SPAG17: variants seen among roughly 807,000 people sequenced by gnomAD.
The protein encoded by SPAG17 is sperm associated antigen 17.
A neutral mutation model predicts 273.6 loss-of-function variants in SPAG17; 169 were observed. The observed-to-expected ratio is 0.62, with a 90% CI of 0.55 to 0.70. SPAG17 has a LOEUF of 0.70. Among genes scored for constraint, SPAG17 ranks in the 30% least tolerant of loss-of-function variants. SPAG17 has a pLI of 0.00. For synonymous variants in SPAG17, 825 were observed against 873.2 expected, an observed-to-expected ratio of 0.94 and a Z score of 0.97; for missense variants, 2,557 against 2,627.8, an observed-to-expected ratio of 0.97 and a Z score of 0.59.
At chr1:117,955,874 A>G (rs1281006170) in intron 48 of SPAG17, among the ~76,000 whole-genome samples, 1 of 151,902 alleles carries the variant, frequency 6.6e-6, no homozygotes, top group East Asian at 1.9e-4. Context: ...GAATATGTTT[A>G]CACATATATC....
Position 117,963,947 on chromosome 1 carries a change from CTTG to C in SPAG17, c.6533-12_6533-10del. Reference sequence around the variant, plus strand: ...GCTGCTTGTTAAAACAGGTAAAATACTTGTTAAGGGCTGTGCTTTTCATGACTA... The same window carrying C: ...GCTGCTTGTTAAAACAGGTAAAATACTTAAGGGCTGTGCTTTTCATGACTA... On this transcript the variant is annotated splice_polypyrimidine_tract_variant and intron_variant, in intron 47 of 48. Coordinates refer to ENST00000336338, the MANE Select transcript of SPAG17 (RefSeq NM_206996.4). 5 of 1,612,602 alleles carry C rather than the reference CTTG, an allele frequency of 3.1e-6. No individual in the cohort carries two copies. The highest frequency in any genetic ancestry group is 4.2e-6 in the Non-Finnish European group (5 of 1,179,222).
chr1:117,994,794 C>A (rs888179627), intron 34 of SPAG17, among the ~76,000 whole-genome samples: 1 of 152,080 alleles, frequency 6.6e-6, no homozygotes, highest in Non-Finnish European at 1.5e-5. Context: ...CATACAAGTT[C>A]TGTCAGTTCT....
chr1:118,009,135 C>T (rs1377132693), intron 30 of SPAG17, among the ~76,000 whole-genome samples: 2 of 151,758 alleles, frequency 1.3e-5, no homozygotes, highest in Non-Finnish European at 2.9e-5. Flanking sequence ...TACAATTATA[C>T]AATTATGTAA....
chr1:118,003,947 G>A (rs4614246), intron 32 of SPAG17, among the ~76,000 whole-genome samples: 8,216 of 152,190 alleles, frequency 0.054, 448 homozygotes, highest in East Asian at 0.3. Context: ...CACCTTTGTC[G>A]TTGTATCTAC....
chr1:118,015,861 C>T, intron 29 of SPAG17, 104 bp downstream of exon 29: 1 of 1,007,418 alleles, frequency 9.9e-7, no homozygotes, highest in Non-Finnish European at 1.5e-6. Flanking sequence ...CACTACTTAA[C>T]AGACATTTAT....
intron 1 of SPAG17, among the ~76,000 whole-genome samples, chr1:118,162,290 A>T (rs761213069): frequency 1.2e-4 from 19 of 152,226 alleles, no homozygotes; most frequent in Non-Finnish European, 2.5e-4. Context: ...AGAGCACTGG[A>T]TTTAGTATCA....
intron 1 of SPAG17, among the ~76,000 whole-genome samples, chr1:118,174,840 T>C (rs987892692): frequency 6.6e-6 from 1 of 152,080 alleles, no homozygotes; most frequent in African/African-American, 2.4e-5. Context: ...AAAAAGACTG[T>C]CAACTAAGGA....
chr1:118,172,176 T>G (rs1660446678), intron 1 of SPAG17, among the ~76,000 whole-genome samples: 1 of 152,194 alleles, frequency 6.6e-6, no homozygotes, highest in African/African-American at 2.4e-5. Flanking sequence ...CTCAATATAT[T>G]ATAGTAGATG....
chr1:117,968,621 A>T (rs1654186714), intron 46 of SPAG17, among the ~76,000 whole-genome samples: 1 of 152,230 alleles, frequency 6.6e-6, no homozygotes, highest in South Asian at 2.1e-4. Context: ...TTTACAGATG[A>T]GGAAAACAAG....
At chr1:118,139,642 G>A (rs1427766137) in intron 3 of SPAG17, among the ~76,000 whole-genome samples, 1 of 152,084 alleles carries the variant, frequency 6.6e-6, no homozygotes, top group East Asian at 1.9e-4. Flanking sequence ...TAAAAAAGAA[G>A]GAAACTCTCA....
rs144455655 is a variant in SPAG17 at position 118,039,434 on chromosome 1, A to G, written c.3177T>C (p.Phe1059=). Residue 1059 remains phenylalanine (F), a synonymous_variant, in exon 23 of 49, where the codon TTT becomes TTC. Transcript: ENST00000336338. The stretch of plus-strand genomic sequence containing the variant: ...TGTCCTTTACCACTCTCACTTTGAT[A>G]AAAGTTGGGCCTGAGGAGGAACCAT... ...EKTMFEKGPT[F]IKVRVVKDNH... 8.5e-3 allele frequency: 13,653 copies of G among 1,613,314 alleles called. 82 individuals are homozygous for G. Among genetic ancestry groups the G allele is most frequent in the Middle Eastern group, 0.011 (69 of 6,058 alleles).
At chr1:118,124,318 C>T (rs530608327) in intron 3 of SPAG17, among the ~76,000 whole-genome samples, 176 of 152,202 alleles carry the variant, frequency 1.2e-3, no homozygotes, top group African/African-American at 3.8e-3. Context: ...AACCCTACAA[C>T]GTTTTTTGTA....
chr1:118,134,090 T>G (rs1440907641), intron 3 of SPAG17, among the ~76,000 whole-genome samples: 1 of 152,350 alleles, frequency 6.6e-6, no homozygotes, highest in East Asian at 1.9e-4. Context: ...GAATGCACTT[T>G]GGCAAGATAT....
chr1:118,074,025 CTCTT>C, intron 16 of SPAG17, 58 bp from the exon 17 acceptor site: 17 of 1,253,394 alleles, frequency 1.4e-5, no homozygotes, highest in Non-Finnish European at 1.8e-5. Flanking sequence ...AAATGGAGCC[CTCTT>C]GGGCTCCGTC....
chr1:118,136,378 C>T (rs551704021), intron 3 of SPAG17, among the ~76,000 whole-genome samples: 11 of 152,288 alleles, frequency 7.2e-5, no homozygotes, highest in African/African-American at 2.6e-4. Context: ...CTCACTCTCC[C>T]CGAATGCATG....
In SPAG17 at chr1:117,972,037, G is replaced by T. The variant is rs1317076658; in HGVS notation, c.6152C>A (p.Ser2051Tyr). 1 of 1,611,880 alleles carries T rather than the reference G, an allele frequency of 6.2e-7. No individual in the cohort carries two copies. Among genetic ancestry groups the T allele is most frequent in the East Asian group, 2.2e-5 (1 of 44,796 alleles). The stretch of plus-strand genomic sequence containing the variant: ...GGATGTGTTCACTTTTCCTCCAACA[G>T]AATCTTGCACCTTTGCATTAAGAAA... ...KSQPLAKVQD[S>Y]VGGKVNTSSV... The change falls in exon 45 of 49, where the codon TCT becomes TAT. Residue 2051 changes from serine to tyrosine, a missense_variant. By Grantham distance (144) the Ser-to-Tyr change is moderately radical (BLOSUM62 -2). Transcript: ENST00000336338.
At chr1:118,144,552 TTATTTTACATTTATAAA>T (rs1247946462) in intron 3 of SPAG17, among the ~76,000 whole-genome samples, 1 of 152,200 alleles carries the variant, frequency 6.6e-6, no homozygotes, top group Non-Finnish European at 1.5e-5. Context: ...CCAAGTCTCA[TTATTTTACATTTATAAA>T]TATCAGGTTG....
intron 20 of SPAG17, among the ~76,000 whole-genome samples, chr1:118,049,296 TG>T (rs1054567013): frequency 5.3e-5 from 8 of 152,214 alleles, no homozygotes; most frequent in Non-Finnish European, 1.0e-4. Flanking sequence ...CCGTTGTCCC[TG>T]GTGATGTTAG....
intron 47 of SPAG17, chr1:117,964,236 C>CT (rs373131863): frequency 0.039 from 5,172 of 131,698 alleles, 215 homozygotes; most frequent in African/African-American, 0.11. Context: ...AGATTTCATG[C>CT]TTTTTTTTTT....
Sources: allele counts gnomAD v4.1 joint callset (sites outside exome capture counted in the v4.1 genomes callset), GRCh38; gene constraint gnomAD v4.1.1; transcripts MANE v1.5; gene names NCBI Gene and HGNC (gene_info 2026-07-23, HGNC 2026-07-21).